Variants in SEM1 observed in about 807,000 individuals in gnomAD.
SEM1 encodes SEM1 26S proteasome subunit, also known as 26S proteasome complex subunit SEM1.
Under a neutral mutation model 12.7 loss-of-function variants are expected in SEM1, and 3 were observed. The ratio of observed to expected loss-of-function variants is 0.24; its 90% CI spans 0.11 to 0.61. The LOEUF is 0.61. Ranked by LOEUF, SEM1 falls within the 20% of genes least tolerant of loss-of-function variation. The pLI, the probability that SEM1 is intolerant of heterozygous loss-of-function variation, is 0.88. For synonymous variants in SEM1, 30 were observed against 27.8 expected, an observed-to-expected ratio of 1.08 and a Z score of -0.25; for missense variants, 59 against 81.3, an observed-to-expected ratio of 0.73 and a Z score of 1.06.
At chr7:96,671,138 CA>C (rs1181296032), downstream of SEM1, among the ~76,000 whole-genome samples, 6 of 152,182 alleles carry the variant, frequency 3.9e-5, no homozygotes, top group African/African-American at 1.2e-4. Context: ...ACAATGTCCA[CA>C]GCTATTTTGT....
At position 96,493,126 on chromosome 7, in the gene SEM1, G is replaced by A. The variant is rs922360407; in HGVS notation, c.12+3158C>T. Among the ~76,000 whole-genome samples the A allele has an allele frequency of 5.9e-5, 9 of 151,872 alleles. No homozygotes were observed. The East Asian group carries it at 1.4e-3, about 23-fold the overall frequency. On this transcript the variant is annotated intron_variant, in intron 1 of 3. Coordinates refer to the SEM1 transcript ENST00000356686. ...GTAGTTGGGTTATAGCCACATACCC[G>A]GCTAATTTTTGTATTTTTAGTAGAG...
At chr7:96,677,984 G>C (rs1789499240) in intron 2 of SEM1, among the ~76,000 whole-genome samples, 1 of 152,144 alleles carries the variant, frequency 6.6e-6, no homozygotes, top group African/African-American at 2.4e-5. Context: ...TTTCATATGT[G>C]AACTAACAGA....
intron 1 of SEM1, among the ~76,000 whole-genome samples, chr7:96,704,589 G>T (rs1790388005): frequency 6.6e-6 from 1 of 151,968 alleles, no homozygotes; most frequent in Non-Finnish European, 1.5e-5. Context: ...CATTCAACAG[G>T]TACTCTTCGA....
At position 96,586,675 on chromosome 7, in the gene SEM1, T is replaced by C. The variant is rs1417833228; in HGVS notation, c.171-79977A>G. ...TAGAGAATTCACAGAAGAGGAGATT[T>C]GAGGCTGGATTCTTTAGGTTTTTTG... On this transcript the variant is annotated intron_variant and NMD_transcript_variant, in intron 2 of 3. Transcript: ENST00000466986. Among the ~76,000 whole-genome samples, 4 of 152,334 alleles carry C rather than the reference T, an allele frequency of 2.6e-5. No individual in the cohort carries two copies. The East Asian group carries it at 7.7e-4, about 29-fold the overall frequency.
At chr7:96,598,551 C>A (rs1286566114) in intron 2 of SEM1, among the ~76,000 whole-genome samples, 1 of 152,172 alleles carries the variant, frequency 6.6e-6, no homozygotes, top group Non-Finnish European at 1.5e-5. Flanking sequence ...CTCTTGCAGA[C>A]CCCATTCTCT....
intron 2 of SEM1, among the ~76,000 whole-genome samples, chr7:96,539,437 T>C (rs1430895133): frequency 3.3e-5 from 5 of 151,832 alleles, no homozygotes; most frequent in African/African-American, 1.2e-4. Context: ...AATGAAATTA[T>C]AAATTTATCC....
chr7:96,597,506 A>G (rs1807040419), intron 2 of SEM1, among the ~76,000 whole-genome samples: 2 of 152,144 alleles, frequency 1.3e-5, no homozygotes, highest in African/African-American at 4.8e-5. Context: ...TCCTTGAGAT[A>G]TTAGCAAGAC....
Position 96,608,773 on chromosome 7 carries a change from A to G in SEM1, c.170+86025T>C, listed in dbSNP as rs535151427. On this transcript the variant is annotated intron_variant and NMD_transcript_variant, in intron 2 of 3. Coordinates refer to the SEM1 transcript ENST00000466986. ...ATACTTCCCTCCTCTTTATGACAGAATAATATTCCATAGTATGTATATACT... is the reference window on the plus strand; with the variant it reads ...ATACTTCCCTCCTCTTTATGACAGAGTAATATTCCATAGTATGTATATACT... 2.6e-5 allele frequency among the ~76,000 whole-genome samples: 4 copies of G among 152,358 alleles called. No individual in the cohort carries two copies. In the South Asian group the frequency reaches 8.3e-4, roughly 32 times the overall value.
At chr7:96,484,010 G>T (rs970340833) in intron 3 of SEM1, 2 of 1,480,968 alleles carry the variant, frequency 1.4e-6, no homozygotes, top group Non-Finnish European at 1.8e-6. Context: ...AATGATAAAT[G>T]CTGTGGGCCA....
chr7:96,615,748 C>G (rs1807698594), intron 2 of SEM1, among the ~76,000 whole-genome samples: 1 of 152,208 alleles, frequency 6.6e-6, no homozygotes, highest in Non-Finnish European at 1.5e-5. Context: ...CTCGCTCCCA[C>G]CTTCCCACCT....
In SEM1 at chr7:96,547,123, C is replaced by T. The variant is rs373179276; in HGVS notation, c.171-40425G>A. On this transcript the variant is annotated intron_variant and NMD_transcript_variant, in intron 2 of 3. Transcript: ENST00000466986. The stretch of plus-strand genomic sequence containing the variant: ...AATTACTGTATAGTTGAGAGGGAAA[C>T]CAGGGAAGACACCCCAAACGACTGC... 9.9e-5 allele frequency among the ~76,000 whole-genome samples: 15 copies of T among 152,140 alleles called. No homozygotes were observed. The South Asian group carries it at 1.5e-3, about 15-fold the overall frequency.
intron 2 of SEM1, among the ~76,000 whole-genome samples, chr7:96,535,404 A>G (rs983637750): frequency 1.3e-5 from 2 of 151,832 alleles, no homozygotes; most frequent in African/African-American, 4.8e-5. Context: ...TCCTGTAAGC[A>G]CTGTTTTTAC....
chr7:96,692,646 G>A (rs1789964008), intron 2 of SEM1, among the ~76,000 whole-genome samples: 1 of 151,968 alleles, frequency 6.6e-6, no homozygotes, highest in Non-Finnish European at 1.5e-5. Context: ...TCTGTAAAAA[G>A]AACAGAAGGG....
chr7:96,534,497 A>G (rs7798484), intron 2 of SEM1, among the ~76,000 whole-genome samples: 91,752 of 151,920 alleles, frequency 0.6, 28,556 homozygotes, highest in East Asian at 0.69. Flanking sequence ...TGCAAAACAG[A>G]ATAGTTGATT....
intron 2 of SEM1, among the ~76,000 whole-genome samples, chr7:96,602,084 T>C (rs1051600479): frequency 6.6e-6 from 1 of 152,196 alleles, no homozygotes; most frequent in Non-Finnish European, 1.5e-5. Context: ...TAACAATGTC[T>C]GTTGGACATC....
Position 96,640,266 on chromosome 7 carries a change from GCA to G in SEM1, c.171-17625_171-17624del, listed in dbSNP as rs1281467557. 6.6e-6 allele frequency among the ~76,000 whole-genome samples: 1 copy of G among 151,886 alleles called. No individual in the cohort carries two copies. Among genetic ancestry groups the G allele is most frequent in the African/African-American group, 2.4e-5 (1 of 41,378 alleles). ...AAAACTTATGTCCACACAAAAACTT[GCA>G]CACACACGTTTATTGCAGGCTTATT... On this transcript the variant is annotated intron_variant, in intron 2 of 2. Transcript: ENST00000417009. This position sits in a 1 kb window ranked among gnomAD's most constrained non-coding sequence, Gnocchi z 4.0.
intron 2 of SEM1, among the ~76,000 whole-genome samples, chr7:96,612,365 C>CTAG (rs1441664893): frequency 1.3e-5 from 2 of 152,176 alleles, no homozygotes; most frequent in African/African-American, 4.8e-5. Context: ...TGGGTTAAGC[C>CTAG]TCTAGCCTTT....
At chr7:96,505,631 G>T (rs1803732397) in intron 3 of SEM1, among the ~76,000 whole-genome samples, 1 of 152,124 alleles carries the variant, frequency 6.6e-6, no homozygotes, top group South Asian at 2.1e-4. Flanking sequence ...ATAAACAACA[G>T]AAATTGATTT....
At chr7:96,709,657 C>T in intron 1 of SEM1, 31 bp downstream of exon 1, 1 of 1,606,324 alleles carries the variant, frequency 6.2e-7, no homozygotes, top group Non-Finnish European at 8.5e-7. Flanking sequence ...TCACCGTTCG[C>T]GCGACACAGA....
Sources: allele counts gnomAD v4.1 joint callset (sites outside exome capture counted in the v4.1 genomes callset), GRCh38; gene constraint gnomAD v4.1.1; non-coding constraint Gnocchi (gnomAD v3.1); transcripts MANE v1.5; gene names NCBI Gene and HGNC (gene_info 2026-07-23, HGNC 2026-07-21).